The following STK25 variants were observed in gnomAD, a reference collection of about 807,000 sequenced individuals.
STK25 encodes serine/threonine-protein kinase 25.
STK25 carries 29 observed loss-of-function variants against 53.8 expected under a neutral mutation model. The ratio of observed to expected loss-of-function variants is 0.54; its 90% CI spans 0.40 to 0.74. The LOEUF (loss-of-function observed/expected upper bound fraction) is 0.74. STK25 is among the 30% of genes least tolerant of loss of function. STK25 has a pLI of 0.00. For synonymous variants in STK25, 247 were observed against 238.3 expected (o/e 1.04, Z -0.33); for missense variants, 420 against 568.0 (o/e 0.74, Z 2.65).
In STK25 at chr2:241,496,676, G is replaced by A. The variant is rs1233135883; in HGVS notation, c.1105-142C>T. The A allele has an allele frequency of 1.1e-6, 1 of 922,042 alleles. No homozygotes were observed. The highest frequency in any genetic ancestry group is 1.7e-5 in the African/African-American group (1 of 59,984). The allele number at this position is 922,042 out of a possible 1,614,324, so 57.1% of individuals were successfully genotyped here. On this transcript the variant is annotated intron_variant, in intron 10 of 11. Transcript: ENST00000316586. The surrounding 1 kb of genome is among the most constrained non-coding windows in gnomAD (Gnocchi z 5.8). ...ACCCGGGAGCCCTTCAGCAAGCCGG[G>A]AAGTGAGGTGGCCCAAGGAAGCCTC...
In STK25 at chr2:241,500,254, A is replaced by C; in HGVS notation, c.346T>G (p.Tyr116Asp). 1 of 1,613,938 alleles carries C rather than the reference A, an allele frequency of 6.2e-7. No individual in the cohort carries two copies. The highest frequency in any genetic ancestry group is 1.1e-5 in the South Asian group (1 of 91,072). ...LLKPGPLEET[Y>D]IATILREILK... ...ATCTCCCGCAGGATCGTGGCAATGTATGTCTCCTCCAGGGGACCTGGTTTA... is the reference window on the plus strand; with the variant it reads ...ATCTCCCGCAGGATCGTGGCAATGTCTGTCTCCTCCAGGGGACCTGGTTTA... The change falls in exon 5 of 12, where the codon TAC becomes GAC. Residue 116 changes from tyrosine to aspartate, a missense_variant. Physicochemically the swap from Tyr to Asp is radical, Grantham distance 160. Coordinates refer to ENST00000316586, the MANE Select transcript of STK25 (RefSeq NM_001271977.2).
chr2:241,500,334 C>T, intron 4 of STK25, 53 bp from the exon 5 acceptor site: 6 of 1,294,290 alleles, frequency 4.6e-6, no homozygotes, highest in Non-Finnish European at 6.7e-6. Context: ...AGGCCCAATG[C>T]CTGAGTTCTC....
At chr2:241,499,440 T>A (rs757063166) in intron 5 of STK25, 26 bp from the exon 6 acceptor site, 1 of 1,608,540 alleles carries the variant, frequency 6.2e-7, no homozygotes, top group Non-Finnish European at 8.5e-7. Context: ...CAGGCAGGCG[T>A]CATCCCAGGC....
chr2:241,494,217 G>A lies in STK25; in HGVS notation c.*1445C>T. 2.7e-6 allele frequency: 2 copies of A among 739,490 alleles called. No individual in the cohort carries two copies. Among genetic ancestry groups the A allele is most frequent in the Non-Finnish European group, 4.1e-6 (2 of 486,368 alleles). 45.8% of individuals were successfully genotyped at this position (739,490 alleles called of 1,614,324 possible). On this transcript the variant is annotated 3_prime_UTR_variant, in exon 12 of 12. Transcript: ENST00000316586. The surrounding 1 kb of genome is among the most constrained non-coding windows in gnomAD (Gnocchi z 4.9). ...TGAGGCTTCTCAACAGATGGGAAGT[G>A]GCTGTGGTCTCACTGGATCCCCACT...
At chr2:241,500,073 C>T in intron 5 of STK25, 100 bp downstream of exon 5, 1 of 983,644 alleles carries the variant, frequency 1.0e-6, no homozygotes, top group Non-Finnish European at 1.6e-6. Context: ...ATACTCCAGA[C>T]CCTGGGCACC....
upstream of STK25, chr2:241,508,662 C>T: frequency 1.0e-6 from 1 of 986,076 alleles, no homozygotes; most frequent in South Asian, 4.7e-5. Context: ...CCACCGCCCA[C>T]TCCGGGCCCG....
rs2065966043 is a variant in STK25 at position 241,508,149 on chromosome 2, C to T, written c.-100-14G>A. Reference sequence around the variant, plus strand: ...GGCGTCAGTCCACTGCGAGGGACACCAGGGGCGCTCGGTGCCCAGTTCAGT... The same window carrying T: ...GGCGTCAGTCCACTGCGAGGGACACTAGGGGCGCTCGGTGCCCAGTTCAGT... On this transcript the variant is annotated splice_polypyrimidine_tract_variant and intron_variant, in intron 1 of 11. Transcript: ENST00000316586. 3.4e-6 allele frequency: 5 copies of T among 1,473,552 alleles called. No homozygotes were observed. Among genetic ancestry groups the T allele is most frequent in the Non-Finnish European group, 4.5e-6 (5 of 1,114,994 alleles). 91.3% of individuals were successfully genotyped at this position (1,473,552 alleles called of 1,614,324 possible).
rs1255200121 is a variant in STK25 at position 241,496,871 on chromosome 2, G to A, written c.1105-337C>T. Among the ~76,000 whole-genome samples the A allele has an allele frequency of 2.0e-5, 3 of 152,130 alleles. No homozygotes were observed. The highest frequency in any genetic ancestry group is 2.1e-4 in the South Asian group (1 of 4,830). On this transcript the variant is annotated intron_variant, in intron 10 of 11. Coordinates refer to ENST00000316586, the MANE Select transcript of STK25 (RefSeq NM_001271977.2). This position sits in a 1 kb window ranked among gnomAD's most constrained non-coding sequence, Gnocchi z 5.8. Reference sequence around the variant, plus strand: ...TGGGTCTAATCAGACCCAAAAACACGAAGCCCAGAAACCCCCAAAGCACAC... The same window carrying A: ...TGGGTCTAATCAGACCCAAAAACACAAAGCCCAGAAACCCCCAAAGCACAC...
Position 241,506,478 on chromosome 2 carries a change from A to T in STK25, c.30+1528T>A, listed in dbSNP as rs373544590. On this transcript the variant is annotated intron_variant, in intron 2 of 11. Transcript: ENST00000316586. ...AGTTATTTCTGCAGTTCTTAAAAATAAACTGGTGGCCGAGCGCGGTGGCTC... is the reference window on the plus strand; with the variant it reads ...AGTTATTTCTGCAGTTCTTAAAAATTAACTGGTGGCCGAGCGCGGTGGCTC... Among the ~76,000 whole-genome samples the T allele has an allele frequency of 4.4e-4, 67 of 152,348 alleles. 4 individuals carry two copies. The South Asian group carries it at 0.013, about 30-fold the overall frequency.
chr2:241,502,016 T>A (rs946859832), intron 2 of STK25: 22 of 295,612 alleles, frequency 7.4e-5, no homozygotes, highest in Admixed American at 1.8e-4. Flanking sequence ...ACAAAAAAAT[T>A]ATCTGGGCGT....
Position 241,498,245 on chromosome 2 carries a change from C to G in STK25, c.1022G>C (p.Ser341Thr). 6.2e-7 allele frequency: 1 copy of G among 1,612,108 alleles called. No homozygotes were observed. Among genetic ancestry groups the G allele is most frequent in the Non-Finnish European group, 8.5e-7 (1 of 1,178,542 alleles). The change falls in exon 9 of 12, where the codon AGT becomes ACT. Residue 341 changes from serine (S) to threonine (T), a missense_variant. Coordinates refer to ENST00000316586, the MANE Select transcript of STK25 (RefSeq NM_001271977.2). ...SKLHKGTALH[S>T]SQKPAEPVKR... is the part of the protein sequence containing the mutation. ...AGGCCAGGAACAGACCTTCTGTGAA[C>G]TGTGCAGGGCCGTCCCCTTGTGAAG...
chr2:241,505,948 G>A (rs2065797298), intron 2 of STK25, among the ~76,000 whole-genome samples: 2 of 152,238 alleles, frequency 1.3e-5, no homozygotes, highest in South Asian at 4.1e-4. Context: ...CTCCACATTA[G>A]CCCTGGGGCT....
At chr2:241,503,959 TC>T (rs34478785) in intron 2 of STK25, 4 of 465,940 alleles carry the variant, frequency 8.6e-6, no homozygotes, top group East Asian at 7.0e-5. Context: ...AGGCGACACT[TC>T]CGTGTGAAAC....
chr2:241,495,989 G>C (rs1574932458), intron 11 of STK25, among the ~76,000 whole-genome samples: 1 of 152,330 alleles, frequency 6.6e-6, no homozygotes, highest in East Asian at 1.9e-4. Context: ...GGCGGTGGAG[G>C]GCCCAGCATC....
rs1359487152 is a variant in STK25 at position 241,497,708 on chromosome 2, A to G, written c.1033-21T>C. ...GCAGGCTGCAAAGGAGTGGAGGCCC[A>G]GGGTGAGCAGGGCAGTGCAGGTGAC... On this transcript the variant is annotated intron_variant, in intron 9 of 11. Coordinates refer to ENST00000316586, the MANE Select transcript of STK25 (RefSeq NM_001271977.2). 3.7e-6 allele frequency: 6 copies of G among 1,611,520 alleles called. No individual in the cohort carries two copies. The African/African-American group carries it at 8.0e-5, about 22-fold the overall frequency.
At position 241,496,034 on chromosome 2, in the gene STK25, C is replaced by T. The variant is rs1253035619; in HGVS notation, c.1242-333G>A. On this transcript the variant is annotated intron_variant, in intron 11 of 11. Coordinates refer to ENST00000316586, the MANE Select transcript of STK25 (RefSeq NM_001271977.2). The surrounding 1 kb of genome is among the most constrained non-coding windows in gnomAD (Gnocchi z 5.8). Reference sequence around the variant, plus strand: ...CTGTCTCTTTGCTAAGGACTCGAGTCAGCACAGGGGCAGCTCTGACGTTTT... The same window carrying T: ...CTGTCTCTTTGCTAAGGACTCGAGTTAGCACAGGGGCAGCTCTGACGTTTT... Among the ~76,000 whole-genome samples the T allele has an allele frequency of 6.6e-6, 1 of 152,216 alleles. No individual in the cohort carries two copies. The highest frequency in any genetic ancestry group is 1.5e-5 in the Non-Finnish European group (1 of 68,030).
intron 2 of STK25, among the ~76,000 whole-genome samples, chr2:241,506,403 C>G (rs943761252): frequency 6.6e-6 from 1 of 152,374 alleles, no homozygotes; most frequent in Admixed American, 6.5e-5. Context: ...CAATAGCACA[C>G]AGTTACAGGG....
intron 2 of STK25, chr2:241,504,047 T>C (rs2065670918): frequency 1.3e-5 from 6 of 471,088 alleles, no homozygotes; most frequent in Middle Eastern, 6.5e-4. Flanking sequence ...CCTTGAAACA[T>C]GCCGCTGCAC....
Position 241,496,027 on chromosome 2 carries a change from C to G in STK25, c.1242-326G>C, listed in dbSNP as rs1332155255. Among the ~76,000 whole-genome samples, 1 of 152,192 alleles carries G rather than the reference C, an allele frequency of 6.6e-6. No homozygotes were observed. The highest frequency in any genetic ancestry group is 2.4e-5 in the African/African-American group (1 of 41,446). Reference sequence around the variant, plus strand: ...TCCTGCCCTGTCTCTTTGCTAAGGACTCGAGTCAGCACAGGGGCAGCTCTG... The same window carrying G: ...TCCTGCCCTGTCTCTTTGCTAAGGAGTCGAGTCAGCACAGGGGCAGCTCTG... On this transcript the variant is annotated intron_variant, in intron 11 of 11. Coordinates refer to ENST00000316586, the MANE Select transcript of STK25 (RefSeq NM_001271977.2). This position sits in a 1 kb window ranked among gnomAD's most constrained non-coding sequence, Gnocchi z 5.8.
Sources: gnomAD v4.1 joint callset for allele counts (sites outside exome capture counted in the v4.1 genomes callset) on GRCh38, gnomAD v4.1.1 for gene constraint, Gnocchi (gnomAD v3.1) non-coding constraint, MANE v1.5 for transcripts, NCBI Gene and HGNC (gene_info 2026-07-23, HGNC 2026-07-21) for gene names.